The following APBA1 variants were observed in gnomAD, a reference collection of about 807,000 sequenced individuals.
APBA1 encodes the protein amyloid beta precursor protein binding family A member 1.
In APBA1, 55 loss-of-function variants were observed where a neutral mutation model predicts 86.6. The observed-to-expected ratio is 0.64, with a 90% CI of 0.51 to 0.80. The LOEUF (loss-of-function observed/expected upper bound fraction) is 0.80. Ranked by LOEUF, APBA1 falls within the 30% of genes least tolerant of loss-of-function variation. The probability of loss-of-function intolerance (pLI) is 0.00; values close to 1 mark genes in which losing one functional copy is unlikely to be tolerated. For synonymous variants in APBA1, 511 were observed against 493.9 expected (o/e 1.03, Z -0.46); for missense variants, 1,090 against 1,183.0 (o/e 0.92, Z 1.15).
chr9:69,453,924 G>A (rs773736365), intron 8 of APBA1, among the ~76,000 whole-genome samples: 1 of 152,230 alleles, frequency 6.6e-6, no homozygotes, highest in Non-Finnish European at 1.5e-5. Context: ...CCACTGGGTA[G>A]AACAGGATAT....
intron 2 of APBA1, among the ~76,000 whole-genome samples, chr9:69,485,515 CAT>C (rs1835593183): frequency 6.6e-6 from 1 of 152,052 alleles, no homozygotes; most frequent in African/African-American, 2.4e-5. Flanking sequence ...ATTATTGTCA[CAT>C]ATATCTCTGT....
intron 2 of APBA1, among the ~76,000 whole-genome samples, chr9:69,489,542 CA>C (rs202104269): frequency 0.15 from 22,876 of 151,852 alleles, 2,324 homozygotes; most frequent in East Asian, 0.27. Context: ...AGGCAACCTA[CA>C]AAAATGGGAG....
intron 1 of APBA1, among the ~76,000 whole-genome samples, chr9:69,591,432 T>C (rs1822126760): frequency 2.6e-5 from 4 of 152,254 alleles, no homozygotes; most frequent in African/African-American, 9.6e-5. Flanking sequence ...CCAAGAACCA[T>C]GTCTGCCACT....
intron 1 of APBA1, among the ~76,000 whole-genome samples, chr9:69,571,086 G>A (rs983735838): frequency 2.0e-5 from 3 of 152,176 alleles, no homozygotes; most frequent in Non-Finnish European, 4.4e-5. Context: ...CCCAAGCCTA[G>A]GGTGGGATGT....
At chr9:69,439,085 T>G (rs1239092867) in intron 11 of APBA1, among the ~76,000 whole-genome samples, 4 of 52,522 alleles carry the variant, frequency 7.6e-5, no homozygotes, top group Non-Finnish European at 1.1e-4. Context: ...AATTCTTTTC[T>G]TTAAGAATGT....
chr9:69,666,763 G>C (rs1823847850), intron 1 of APBA1, among the ~76,000 whole-genome samples: 2 of 152,086 alleles, frequency 1.3e-5, no homozygotes, highest in Non-Finnish European at 2.9e-5. Flanking sequence ...TAAAAATAAA[G>C]CTTCAATGTA....
At position 69,539,897 on chromosome 9, in the gene APBA1, TCTA is replaced by T. The variant is rs372379772; in HGVS notation, c.-69-22621_-69-22619del. On this transcript the variant is annotated intron_variant, in intron 1 of 12. Transcript: ENST00000265381. The stretch of plus-strand genomic sequence containing the variant: ...ACTTTAGGAGGCTAAGGGTGGCGGA[TCTA>T]CTGAGGTCAGGAGTTCAAGACCAGC... Among the ~76,000 whole-genome samples, 749 of 152,244 alleles carry T rather than the reference TCTA, an allele frequency of 4.9e-3. 5 individuals are homozygous for T. Among genetic ancestry groups the T allele is most frequent in the African/African-American group, 0.017 (721 of 41,520 alleles).
At chr9:69,523,501 A>ATG (rs1440192385) in intron 1 of APBA1, among the ~76,000 whole-genome samples, 36 of 31,636 alleles carry the variant, frequency 1.1e-3, no homozygotes, top group Non-Finnish European at 1.8e-3. Context: ...ATATATGTAT[A>ATG]TATATATATA....
intron 2 of APBA1, among the ~76,000 whole-genome samples, chr9:69,503,113 T>C (rs1209907217): frequency 6.6e-6 from 1 of 152,132 alleles, no homozygotes; most frequent in Non-Finnish European, 1.5e-5. Flanking sequence ...CAGTTGTTTC[T>C]TAGAAATTGT....
rs150664505 is a variant in APBA1 at position 69,441,091 on chromosome 9, T to C, written c.2206A>G (p.Lys736Glu). The C allele has an allele frequency of 7.6e-5, 123 of 1,613,978 alleles. No homozygotes were observed. Among genetic ancestry groups the C allele is most frequent in the Non-Finnish European group, 1.0e-4 (121 of 1,180,038 alleles). ...IKGLKNQSRV[K>E]LNIVRCPPVT... ...GGAGGACATCTCACGATATTCAGCT[T>C]GACTCGGGACTGATTCTTTAAGCCC... Residue 736 changes from lysine (K) to glutamate (E), a missense_variant, in exon 11 of 13, where the codon AAG (lysine) becomes GAG (glutamate). Physicochemically the swap from Lys to Glu is moderately conservative, Grantham distance 56. Coordinates refer to ENST00000265381, the MANE Select transcript of APBA1 (RefSeq NM_001163.4).
chr9:69,639,305 T>A (rs74613382), intron 1 of APBA1, among the ~76,000 whole-genome samples: 6,531 of 152,278 alleles, frequency 0.043, 502 homozygotes, highest in African/African-American at 0.15. Flanking sequence ...AAGCATTTTA[T>A]CTTACTCTGC....
intron 1 of APBA1, among the ~76,000 whole-genome samples, chr9:69,549,287 G>A (rs767044921): frequency 4.6e-5 from 7 of 152,080 alleles, no homozygotes; most frequent in Non-Finnish European, 8.8e-5. Flanking sequence ...GTGGGTTTTG[G>A]GGAGGAGAGG....
chr9:69,504,602 T>A (rs532023279), intron 2 of APBA1, among the ~76,000 whole-genome samples: 2 of 152,210 alleles, frequency 1.3e-5, no homozygotes, highest in East Asian at 3.9e-4. Flanking sequence ...AACATTAGTA[T>A]CTGTAGTATT....
intron 2 of APBA1, among the ~76,000 whole-genome samples, chr9:69,505,484 T>C (rs779700458): frequency 1.3e-5 from 2 of 152,130 alleles, no homozygotes; most frequent in Non-Finnish European, 2.9e-5. Context: ...CCAAATTTTG[T>C]TGTGCTCATC....
intron 1 of APBA1, among the ~76,000 whole-genome samples, chr9:69,670,112 G>A (rs925312435): frequency 6.6e-6 from 1 of 152,124 alleles, no homozygotes; most frequent in African/African-American, 2.4e-5. Flanking sequence ...TTGGATGACA[G>A]CCAACAACCA....
chr9:69,448,191 C>T (rs1270669673), intron 10 of APBA1, among the ~76,000 whole-genome samples: 1 of 152,218 alleles, frequency 6.6e-6, no homozygotes, highest in Non-Finnish European at 1.5e-5. Context: ...TCAAGGTCAA[C>T]TTTAAAATCA....
chr9:69,579,508 A>G lies in APBA1; in HGVS notation c.-69-62229T>C, dbSNP rs116447734. Among the ~76,000 whole-genome samples the G allele has an allele frequency of 7.4e-3, 1,134 of 152,296 alleles. 11 individuals carry two copies. Among genetic ancestry groups the G allele is most frequent in the African/African-American group, 0.026 (1,077 of 41,560 alleles). On this transcript the variant is annotated intron_variant, in intron 1 of 12. Coordinates refer to ENST00000265381, the MANE Select transcript of APBA1 (RefSeq NM_001163.4). The stretch of plus-strand genomic sequence containing the variant: ...CAGGAGCTACATTTTATATTCATCT[A>G]TGTGAGAGTAAAATGATGCTGTTAC...
At chr9:69,620,503 C>A (rs1400548088) in intron 1 of APBA1, among the ~76,000 whole-genome samples, 1 of 152,110 alleles carries the variant, frequency 6.6e-6, no homozygotes, top group African/African-American at 2.4e-5. Flanking sequence ...CATGGTGAAA[C>A]CCTGTCTCTA....
At chr9:69,587,571 C>T (rs1000885537) in intron 1 of APBA1, among the ~76,000 whole-genome samples, 12 of 152,120 alleles carry the variant, frequency 7.9e-5, no homozygotes, top group Non-Finnish European at 1.3e-4. Flanking sequence ...CAAGTAGGTT[C>T]GGTATATGAG....
Sources: allele counts gnomAD v4.1 joint callset (sites outside exome capture counted in the v4.1 genomes callset), GRCh38; gene constraint gnomAD v4.1.1; transcripts MANE v1.5; gene names NCBI Gene and HGNC (gene_info 2026-07-23, HGNC 2026-07-21).